Variants in LOC400499 observed in about 807,000 individuals in gnomAD.
the LOC400499 span, chr16:11,425,268 G>A: frequency 1.3e-5 from 5 of 398,968 alleles, no homozygotes; most frequent in African/African-American, 2.1e-5. Context: ...CCTCGTCTGG[G>A]CCTGCAGCCG....
chr16:11,497,142 A>G, the LOC400499 span, among the ~76,000 whole-genome samples: 16 of 152,088 alleles, frequency 1.1e-4, no homozygotes, highest in African/African-American at 3.9e-4. Context: ...CTGTGCATGT[A>G]CACATGATCC....
At chr16:11,390,548 G>T in the LOC400499 span, 3 of 1,063,098 alleles carry the variant, frequency 2.8e-6, no homozygotes, top group African/African-American at 1.6e-5. Context: ...GCCTCGAGGA[G>T]ATAGGGCCTG....
chr16:11,472,583 C>T, the LOC400499 span: 1,078 of 152,334 alleles, frequency 7.1e-3, 4 homozygotes, highest in Non-Finnish European at 0.012. Context: ...CTAGCTTGGC[C>T]ACTTCCCAGC....
chr16:11,423,313 C>T, the LOC400499 span: 90,067 of 398,866 alleles, frequency 0.23, 10,776 homozygotes, highest in Non-Finnish European at 0.26. Flanking sequence ...CAGAGTGAAC[C>T]GTCGTGGATG....
the LOC400499 span, among the ~76,000 whole-genome samples, chr16:11,396,143 T>C: frequency 1.3e-5 from 2 of 152,182 alleles, no homozygotes; most frequent in African/African-American, 4.8e-5. Context: ...ATTAACCCCA[T>C]GGGAGATAGG....
chr16:11,505,445 CTTTTTTTTTTTTT>C, the LOC400499 span, among the ~76,000 whole-genome samples: 3 of 71,958 alleles, frequency 4.2e-5, no homozygotes, highest in Non-Finnish European at 7.3e-5. Flanking sequence ...TTTTTCTTTT[CTTTTTTTTTTTTT>C]TTTTTTTTTT....
At chr16:11,420,807 A>G in the LOC400499 span, among the ~76,000 whole-genome samples, 2 of 151,882 alleles carry the variant, frequency 1.3e-5, no homozygotes, top group African/African-American at 4.8e-5. Context: ...CCCACCCCAG[A>G]CCTGCTGAAT....
the LOC400499 span, chr16:11,460,416 G>A: frequency 3.4e-6 from 5 of 1,464,054 alleles, 1 homozygote; most frequent in Admixed American, 8.8e-5. Context: ...AGGGTACTCA[G>A]ATCACCACTT....
chr16:11,460,843 G>A, the LOC400499 span: 1 of 1,335,306 alleles, frequency 7.5e-7, no homozygotes, highest in Non-Finnish European at 9.9e-7. Context: ...AGAGCCAACA[G>A]AATGACTAAT....
the LOC400499 span, among the ~76,000 whole-genome samples, chr16:11,410,173 G>C: frequency 1.3e-5 from 2 of 152,132 alleles, no homozygotes; most frequent in Non-Finnish European, 2.9e-5. Context: ...AAAAAATAAG[G>C]CTGGGCGCAG....
At chr16:11,396,414 G>A in the LOC400499 span, 17 of 1,151,042 alleles carry the variant, frequency 1.5e-5, no homozygotes, top group Admixed American at 4.2e-5. Flanking sequence ...AGATGGCGGG[G>A]CCGCCCAGGC....
the LOC400499 span, among the ~76,000 whole-genome samples, chr16:11,498,341 G>C: frequency 6.6e-6 from 1 of 151,978 alleles, no homozygotes; most frequent in African/African-American, 2.4e-5. Flanking sequence ...AAATTAGCCG[G>C]GCCTGGTGGT....
chr16:11,460,688 C>T, the LOC400499 span: 436 of 1,453,960 alleles, frequency 3.0e-4, 3 homozygotes, highest in African/African-American at 5.1e-3. Flanking sequence ...AAGGAGGGCC[C>T]GGCCCAGCCT....
chr16:11,496,724 G>C, the LOC400499 span, among the ~76,000 whole-genome samples: 35 of 152,248 alleles, frequency 2.3e-4, no homozygotes, highest in African/African-American at 7.9e-4. Context: ...GTGTGTCTTG[G>C]TGTGCCTATG....
chr16:11,439,250 G>A, the LOC400499 span, among the ~76,000 whole-genome samples: 2 of 152,322 alleles, frequency 1.3e-5, no homozygotes, highest in Middle Eastern at 3.4e-3. Flanking sequence ...AGAGTGAAAT[G>A]TGATCCTTCA....
the LOC400499 span, among the ~76,000 whole-genome samples, chr16:11,381,523 TAG>T: frequency 1.3e-5 from 2 of 152,204 alleles, no homozygotes; most frequent in East Asian, 1.9e-4. Context: ...ATCTTCTTAA[TAG>T]AGTCTTTCAG....
At chr16:11,407,342 G>A in the LOC400499 span, 25 of 349,934 alleles carry the variant, frequency 7.1e-5, no homozygotes, top group East Asian at 6.0e-4. Context: ...GTGTAGCTGG[G>A]TCAGAAAAAA....
At chr16:11,403,244 A>C in the LOC400499 span, among the ~76,000 whole-genome samples, 7 of 152,128 alleles carry the variant, frequency 4.6e-5, no homozygotes, top group East Asian at 5.8e-4. Flanking sequence ...GCCCAGAGAC[A>C]CTGGCACTGG....
chr16:11,378,353 T>G, the LOC400499 span, among the ~76,000 whole-genome samples: 2 of 150,088 alleles, frequency 1.3e-5, no homozygotes, highest in African/African-American at 2.5e-5. Context: ...AACCTCTGCC[T>G]CCCGGGTTCA....
Sources: allele counts gnomAD v4.1 joint callset (sites outside exome capture counted in the v4.1 genomes callset), GRCh38; gene constraint gnomAD v4.1.1; transcripts MANE v1.5.